Variants in PRKCE observed in about 807,000 individuals in gnomAD.
PRKCE encodes protein kinase C epsilon type.
In PRKCE, 16 loss-of-function variants were observed where a neutral mutation model predicts 85.4. The observed-to-expected ratio is 0.19, with a 90% CI of 0.13 to 0.28. The LOEUF is 0.28. Among genes scored for constraint, PRKCE ranks in the 10% least tolerant of loss-of-function variants. The probability of loss-of-function intolerance (pLI) is 1.00; values close to 1 mark genes in which losing one functional copy is unlikely to be tolerated. For missense variants in PRKCE, 573 were observed against 975.2 expected (o/e 0.59, Z 5.49); for synonymous variants, 388 against 371.5 (o/e 1.04, Z -0.51).
chr2:45,705,481 A>G (rs955341307), intron 1 of PRKCE, among the ~76,000 whole-genome samples: 7 of 152,220 alleles, frequency 4.6e-5, no homozygotes, highest in African/African-American at 1.7e-4. Flanking sequence ...CAGCTGTACC[A>G]TTCCCTGCAC....
chr2:46,020,600 C>G (rs1172754386), intron 10 of PRKCE, among the ~76,000 whole-genome samples: 4 of 152,100 alleles, frequency 2.6e-5, no homozygotes, highest in African/African-American at 9.7e-5. Flanking sequence ...TTGTTTAGAT[C>G]ACGCACAGAA....
At chr2:46,114,691 T>G (rs1307579236) in intron 11 of PRKCE, among the ~76,000 whole-genome samples, 1 of 150,442 alleles carries the variant, frequency 6.6e-6, no homozygotes, top group Non-Finnish European at 1.5e-5. Flanking sequence ...AGTGCTGAGA[T>G]TACAGGCATG....
chr2:45,733,569 G>A (rs569379749), intron 1 of PRKCE, among the ~76,000 whole-genome samples: 3 of 152,226 alleles, frequency 2.0e-5, no homozygotes, highest in Admixed American at 6.5e-5. Context: ...CCAGGTTGGG[G>A]TGTTATGTGG....
At chr2:46,131,399 C>A (rs1674435551) in intron 11 of PRKCE, among the ~76,000 whole-genome samples, 1 of 152,220 alleles carries the variant, frequency 6.6e-6, no homozygotes, top group South Asian at 2.1e-4. Context: ...ACATATCAAG[C>A]CATAAGGGTC....
chr2:46,036,198 T>C (rs1442445829), intron 10 of PRKCE, among the ~76,000 whole-genome samples: 1 of 151,914 alleles, frequency 6.6e-6, no homozygotes, highest in Admixed American at 6.6e-5. Context: ...CTGCTCATGG[T>C]TGGAGACAGA....
chr2:45,919,778 G>C (rs991432922), intron 2 of PRKCE, among the ~76,000 whole-genome samples: 8 of 152,190 alleles, frequency 5.3e-5, no homozygotes, highest in Non-Finnish European at 1.0e-4. Context: ...CATGTACCAT[G>C]GCATGTGTGG....
intron 11 of PRKCE, among the ~76,000 whole-genome samples, chr2:46,126,269 G>A (rs988592364): frequency 2.0e-5 from 3 of 152,158 alleles, no homozygotes; most frequent in African/African-American, 7.2e-5. Context: ...TACATCTCAG[G>A]CACTGTGCAG....
At chr2:46,055,444 A>G (rs937527180) in intron 10 of PRKCE, among the ~76,000 whole-genome samples, 1 of 152,362 alleles carries the variant, frequency 6.6e-6, no homozygotes, top group Middle Eastern at 3.4e-3. Context: ...GGTCAGTGAA[A>G]TACCCTGGTT....
chr2:46,123,344 C>G (rs994943345), intron 11 of PRKCE, among the ~76,000 whole-genome samples: 6 of 146,748 alleles, frequency 4.1e-5, no homozygotes, highest in African/African-American at 1.3e-4. Context: ...CAGTAGCTGA[C>G]AAGTAGTGAG....
intron 2 of PRKCE, among the ~76,000 whole-genome samples, chr2:45,884,437 C>T (rs72801093): frequency 6.2e-4 from 94 of 152,182 alleles, no homozygotes; most frequent in African/African-American, 2.2e-3. Flanking sequence ...ACCAGATCTC[C>T]CTGTTCTGCA....
chr2:46,091,318 G>A (rs773642822), intron 11 of PRKCE, among the ~76,000 whole-genome samples: 3 of 152,182 alleles, frequency 2.0e-5, no homozygotes, highest in Admixed American at 6.5e-5. Flanking sequence ...GGTTGATTCA[G>A]GGAAATTCCT....
chr2:45,939,560 A>AT (rs1184580291), intron 2 of PRKCE, among the ~76,000 whole-genome samples: 56 of 121,104 alleles, frequency 4.6e-4, no homozygotes, highest in African/African-American at 1.5e-3. Context: ...TAGTTAATGC[A>AT]CTTTTTTTTT....
At chr2:45,699,202 G>A (rs1678409977) in intron 1 of PRKCE, among the ~76,000 whole-genome samples, 1 of 151,974 alleles carries the variant, frequency 6.6e-6, no homozygotes, top group Non-Finnish European at 1.5e-5. Context: ...GGCAAAGGAG[G>A]GGCTCCCCCT....
chr2:46,184,669 T>G lies in PRKCE; in HGVS notation c.2068-66T>G. 1.9e-6 allele frequency: 3 copies of G among 1,570,286 alleles called. No homozygotes were observed. The highest frequency in any genetic ancestry group is 2.6e-6 in the Non-Finnish European group (3 of 1,165,182). On this transcript the variant is annotated intron_variant, in intron 14 of 14. Transcript: ENST00000306156. This position sits in a 1 kb window ranked among gnomAD's most constrained non-coding sequence, Gnocchi z 5.0. ...ACAGGCTGGTCAGTGCGGTGCCCAC[T>G]CCCCATGGGGGGCCCTCAGGAGGGA... is the stretch of plus-strand genomic sequence containing the variant.
intron 1 of PRKCE, among the ~76,000 whole-genome samples, chr2:45,817,499 C>T (rs1689163497): frequency 6.6e-6 from 1 of 151,464 alleles, no homozygotes; most frequent in Non-Finnish European, 1.5e-5. Flanking sequence ...CGAGACCATC[C>T]TGGCTAACAC....
At chr2:46,118,760 T>A (rs1162803197) in intron 11 of PRKCE, among the ~76,000 whole-genome samples, 1 of 152,138 alleles carries the variant, frequency 6.6e-6, no homozygotes, top group African/African-American at 2.4e-5. Context: ...AGAATGAAGA[T>A]CCCTAGAGAT....
At chr2:45,828,892 T>C (rs1207325529) in intron 1 of PRKCE, among the ~76,000 whole-genome samples, 1 of 152,182 alleles carries the variant, frequency 6.6e-6, no homozygotes, top group African/African-American at 2.4e-5. Flanking sequence ...TTCTTTAGCA[T>C]ATGTACCTAC....
At chr2:45,987,502 CCTT>C (rs1703431260) in intron 6 of PRKCE, among the ~76,000 whole-genome samples, 1 of 152,084 alleles carries the variant, frequency 6.6e-6, no homozygotes, top group Admixed American at 6.6e-5. Flanking sequence ...AATTAAGAAA[CCTT>C]ATTTTTTTAA....
At chr2:45,709,231 G>A (rs1573012566) in intron 1 of PRKCE, among the ~76,000 whole-genome samples, 1 of 152,318 alleles carries the variant, frequency 6.6e-6, no homozygotes, top group Admixed American at 6.5e-5. Context: ...AGCACCCTGG[G>A]CTGGGGCCAG....
Sources: allele counts gnomAD v4.1 joint callset (sites outside exome capture counted in the v4.1 genomes callset), GRCh38; gene constraint gnomAD v4.1.1; non-coding constraint Gnocchi (gnomAD v3.1); transcripts MANE v1.5; gene names NCBI Gene and HGNC (gene_info 2026-07-23, HGNC 2026-07-21).